STAG1: variants seen among roughly 807,000 people sequenced by gnomAD.
STAG1 encodes cohesin subunit SA-1.
A neutral mutation model predicts 170.9 loss-of-function variants in STAG1; 26 were observed. That is an observed-to-expected ratio of 0.15 (90% CI 0.11 to 0.21). The LOEUF (loss-of-function observed/expected upper bound fraction) is 0.21. STAG1 is among the 10% of genes least tolerant of loss of function. STAG1 has a pLI of 1.00. For synonymous variants in STAG1, 514 were observed against 497.7 expected (o/e 1.03, Z -0.44); for missense variants, 964 against 1,509.5 (o/e 0.64, Z 5.99).
At chr3:136,669,069 A>G (rs77249365) in intron 1 of STAG1, among the ~76,000 whole-genome samples, 1 of 152,282 alleles carries the variant, frequency 6.6e-6, no homozygotes, top group East Asian at 1.9e-4. Context: ...CAACCGCAAC[A>G]GCTCTAGTTT....
chr3:136,715,974 A>C (rs1943530975), intron 1 of STAG1, among the ~76,000 whole-genome samples: 2 of 152,148 alleles, frequency 1.3e-5, no homozygotes, highest in South Asian at 4.2e-4. Flanking sequence ...GGTGCATGCC[A>C]GTAGTCCCAG....
At chr3:136,598,011 T>C (rs760336069) in intron 4 of STAG1, among the ~76,000 whole-genome samples, 1 of 152,186 alleles carries the variant, frequency 6.6e-6, no homozygotes, top group Non-Finnish European at 1.5e-5. Context: ...TATTATCACA[T>C]AATTTTTCTA....
At chr3:136,748,311 G>A (rs1006292433) in intron 1 of STAG1, among the ~76,000 whole-genome samples, 2 of 151,936 alleles carry the variant, frequency 1.3e-5, no homozygotes, top group African/African-American at 2.4e-5. Context: ...TGAGGCACGC[G>A]AATCGCCTGA....
At position 136,555,739 on chromosome 3, in the gene STAG1, TA is replaced by T. The variant is rs201611058; in HGVS notation, c.394+13025del. Among the ~76,000 whole-genome samples, 1,427 of 144,634 alleles carry T rather than the reference TA, an allele frequency of 9.9e-3. 22 individuals carry two copies. The highest frequency in any genetic ancestry group is 0.032 in the African/African-American group (1,274 of 39,548). 94.9% of individuals were successfully genotyped at this position (144,634 alleles called of 152,430 possible). A position where few individuals can be genotyped will look rare whatever the true frequency, so the allele number is the denominator to read the frequency against. On this transcript the variant is annotated intron_variant, in intron 5 of 33. Transcript: ENST00000383202. ...TCAATCAAGTATACAATTTAATAGT[TA>T]AAAAAAAAAATCAGTAGCTTGAAAT...
At chr3:136,550,401 G>A (rs1364394059) in intron 5 of STAG1, among the ~76,000 whole-genome samples, 4 of 151,312 alleles carry the variant, frequency 2.6e-5, no homozygotes, top group Non-Finnish European at 2.9e-5. Context: ...TCTGCCTCCC[G>A]GATTCACGCC....
chr3:136,421,022 C>T (rs771300667), intron 20 of STAG1, 71 bp downstream of exon 20: 17 of 879,302 alleles, frequency 1.9e-5, no homozygotes, highest in Admixed American at 1.3e-4. Flanking sequence ...CTGCCCATCT[C>T]GGCCTCTCAA....
At chr3:136,411,308 A>C (rs530723743) in intron 21 of STAG1, among the ~76,000 whole-genome samples, 1 of 152,168 alleles carries the variant, frequency 6.6e-6, no homozygotes, top group East Asian at 1.9e-4. Flanking sequence ...CATCTTTCAA[A>C]TGGTTTCATG....
intron 7 of STAG1, among the ~76,000 whole-genome samples, chr3:136,508,531 T>A (rs886872364): frequency 6.6e-6 from 1 of 151,986 alleles, no homozygotes; most frequent in African/African-American, 2.4e-5. Flanking sequence ...CTACAAAAAA[T>A]TTAAAAATTA....
chr3:136,439,276 C>T (rs563723912), intron 15 of STAG1, among the ~76,000 whole-genome samples: 1 of 148,766 alleles, frequency 6.7e-6, no homozygotes, highest in Non-Finnish European at 1.5e-5. Flanking sequence ...CCAGAAGTTA[C>T]TTGATTTGGT....
At chr3:136,434,903 G>T (rs2088411016) in intron 15 of STAG1, among the ~76,000 whole-genome samples, 1 of 152,000 alleles carries the variant, frequency 6.6e-6, no homozygotes, top group Non-Finnish European at 1.5e-5. Flanking sequence ...GATGATAGTA[G>T]GTGGGTCTGT....
At chr3:136,565,660 G>C (rs535185494) in intron 5 of STAG1, among the ~76,000 whole-genome samples, 1 of 152,274 alleles carries the variant, frequency 6.6e-6, no homozygotes, top group Non-Finnish European at 1.5e-5. Context: ...ATACGACCTA[G>C]CAATTCTACT....
At chr3:136,718,352 T>C (rs1432300968) in intron 1 of STAG1, among the ~76,000 whole-genome samples, 2 of 152,142 alleles carry the variant, frequency 1.3e-5, no homozygotes, top group East Asian at 1.9e-4. Flanking sequence ...TTGTATGAAA[T>C]TTTCCATAAT....
intron 5 of STAG1, among the ~76,000 whole-genome samples, chr3:136,566,403 G>C (rs369608580): frequency 6.6e-6 from 1 of 152,268 alleles, no homozygotes; most frequent in Non-Finnish European, 1.5e-5. Flanking sequence ...CTCCAGACTT[G>C]TGAGAAATAA....
At chr3:136,508,788 G>T (rs967953376) in intron 7 of STAG1, among the ~76,000 whole-genome samples, 2 of 152,242 alleles carry the variant, frequency 1.3e-5, no homozygotes, top group Non-Finnish European at 2.9e-5. Context: ...AGCTTGCTGG[G>T]GTACCCTACA....
chr3:136,641,302 CTTTT>C (rs983270531), intron 1 of STAG1, among the ~76,000 whole-genome samples: 2 of 151,894 alleles, frequency 1.3e-5, no homozygotes, highest in Non-Finnish European at 2.9e-5. Flanking sequence ...CCAGGAAATC[CTTTT>C]TTTTAAAACG....
intron 1 of STAG1, among the ~76,000 whole-genome samples, chr3:136,722,315 T>G (rs1933330880): frequency 6.6e-6 from 1 of 152,216 alleles, no homozygotes; most frequent in Non-Finnish European, 1.5e-5. Context: ...CTAAAATTTA[T>G]ACTTTAGTTT....
chr3:136,538,413 CTTTTT>C (rs772305467), intron 6 of STAG1, among the ~76,000 whole-genome samples: 3 of 139,058 alleles, frequency 2.2e-5, no homozygotes, highest in Non-Finnish European at 4.7e-5. Context: ...CATATAGTTA[CTTTTT>C]TTTTTTTTTC....
intron 1 of STAG1, among the ~76,000 whole-genome samples, chr3:136,740,769 T>G (rs1397334824): frequency 1.3e-5 from 2 of 152,166 alleles, no homozygotes. Flanking sequence ...TGGAAGCCAC[T>G]ATGCCTAGCC....
At chr3:136,619,616 G>C (rs1939749982) in intron 3 of STAG1, among the ~76,000 whole-genome samples, 1 of 151,904 alleles carries the variant, frequency 6.6e-6, no homozygotes, top group Admixed American at 6.6e-5. Context: ...GATTAGCCAG[G>C]TGTGGTGGCG....
Sources: allele counts gnomAD v4.1 joint callset (sites outside exome capture counted in the v4.1 genomes callset), GRCh38; gene constraint gnomAD v4.1.1; transcripts MANE v1.5; gene names NCBI Gene and HGNC (gene_info 2026-07-23, HGNC 2026-07-21).